CNTNAP2: variants seen among roughly 807,000 people sequenced by gnomAD.
The protein encoded by CNTNAP2 is contactin-associated protein-like 2.
Under a neutral mutation model 155.2 loss-of-function variants are expected in CNTNAP2, and 98 were observed. The ratio of observed to expected loss-of-function variants is 0.63; its 90% CI spans 0.54 to 0.75. The LOEUF is 0.75. Ranked by LOEUF, CNTNAP2 falls within the 30% of genes least tolerant of loss-of-function variation. The pLI is 0.00. For missense variants in CNTNAP2, 1,727 were observed against 1,688.1 expected, an observed-to-expected ratio of 1.02 and a Z score of -0.40; for synonymous variants, 651 against 631.2, an observed-to-expected ratio of 1.03 and a Z score of -0.47.
intron 12 of CNTNAP2, among the ~76,000 whole-genome samples, chr7:147,574,649 G>A (rs114741907): frequency 1.5e-3 from 221 of 152,008 alleles, no homozygotes; most frequent in African/African-American, 4.9e-3. Context: ...CTTTCCTGGA[G>A]GTTTCTGATC....
At chr7:146,530,950 C>G (rs775800341) in intron 1 of CNTNAP2, among the ~76,000 whole-genome samples, 1 of 152,174 alleles carries the variant, frequency 6.6e-6, no homozygotes, top group African/African-American at 2.4e-5. Flanking sequence ...ACTATTCACA[C>G]TAGCAAAGAC....
chr7:146,212,850 C>T (rs1417032168), intron 1 of CNTNAP2, among the ~76,000 whole-genome samples: 2 of 152,122 alleles, frequency 1.3e-5, no homozygotes, highest in Non-Finnish European at 2.9e-5. Flanking sequence ...TTGTGTTCTT[C>T]CAGGTGACTA....
intron 12 of CNTNAP2, among the ~76,000 whole-genome samples, chr7:147,631,288 A>T (rs935623455): frequency 2.6e-5 from 4 of 152,160 alleles, no homozygotes; most frequent in African/African-American, 9.7e-5. Context: ...GAGGTGAAAG[A>T]TCTCTACAAA....
chr7:146,249,631 C>T (rs930952857), intron 1 of CNTNAP2, among the ~76,000 whole-genome samples: 10 of 152,098 alleles, frequency 6.6e-5, no homozygotes, highest in African/African-American at 2.4e-4. Context: ...TAAGTTTGGT[C>T]CATTCAGTCC....
chr7:147,421,474 T>C (rs187762160), intron 10 of CNTNAP2, among the ~76,000 whole-genome samples: 13 of 151,966 alleles, frequency 8.6e-5, no homozygotes. Flanking sequence ...AAAATACAAA[T>C]ACAATTAACT....
chr7:147,859,168 T>C (rs1258463375), intron 13 of CNTNAP2, among the ~76,000 whole-genome samples: 1 of 152,174 alleles, frequency 6.6e-6, no homozygotes, highest in Non-Finnish European at 1.5e-5. Flanking sequence ...AGTTTCAGCA[T>C]TAACAATACA....
intron 1 of CNTNAP2, among the ~76,000 whole-genome samples, chr7:146,721,889 A>ATATATATATATATATATTTTTTTTTTTT: frequency 1.4e-5 from 1 of 69,738 alleles, no homozygotes; most frequent in African/African-American, 1.9e-4. Flanking sequence ...ATATATATAT[A>ATATATATATATATATATTTTTTTTTTTT]TTTTTTTTTT....
chr7:146,403,696 A>G (rs1475986418), intron 1 of CNTNAP2, among the ~76,000 whole-genome samples: 2 of 152,206 alleles, frequency 1.3e-5, no homozygotes, highest in African/African-American at 4.8e-5. Flanking sequence ...GTTTAAATCT[A>G]GCTTAAGCTC....
chr7:147,516,868 C>CGTGT (rs148099776), intron 11 of CNTNAP2, among the ~76,000 whole-genome samples: 1 of 91,690 alleles, frequency 1.1e-5, no homozygotes, highest in Non-Finnish European at 2.0e-5. Flanking sequence ...TTTTTTTTTG[C>CGTGT]GTGTGTGTGT....
chr7:146,683,119 C>T (rs774541446), intron 1 of CNTNAP2, among the ~76,000 whole-genome samples: 4 of 152,168 alleles, frequency 2.6e-5, no homozygotes, highest in Admixed American at 2.0e-4. Context: ...CTGCAACCCC[C>T]GCCTCCCAGG....
intron 1 of CNTNAP2, among the ~76,000 whole-genome samples, chr7:146,379,207 G>A (rs1795347318): frequency 6.6e-6 from 1 of 152,202 alleles, no homozygotes; most frequent in South Asian, 2.1e-4. Flanking sequence ...TGTTTTCTCA[G>A]TGAAGAGTAA....
At chr7:147,043,556 GACA>G (rs1799299115) in intron 3 of CNTNAP2, among the ~76,000 whole-genome samples, 1 of 152,202 alleles carries the variant, frequency 6.6e-6, no homozygotes, top group Non-Finnish European at 1.5e-5. Context: ...TAGAGAGCAA[GACA>G]TATGGTTAGA....
chr7:146,885,736 A>G (rs1795643358), intron 3 of CNTNAP2, among the ~76,000 whole-genome samples: 1 of 152,158 alleles, frequency 6.6e-6, no homozygotes, highest in Non-Finnish European at 1.5e-5. Context: ...TCTATTTGTC[A>G]TGTTTTCAAT....
chr7:148,169,392 G>T (rs1340711701), intron 17 of CNTNAP2, among the ~76,000 whole-genome samples: 1 of 152,144 alleles, frequency 6.6e-6, no homozygotes, highest in Non-Finnish European at 1.5e-5. Context: ...CATATTTAAA[G>T]TGCCTTTAAA....
intron 11 of CNTNAP2, among the ~76,000 whole-genome samples, chr7:147,511,076 G>T (rs1011671649): frequency 2.0e-5 from 3 of 151,524 alleles, no homozygotes; most frequent in Non-Finnish European, 2.9e-5. Context: ...GATTCATAAG[G>T]TCTGATTCAT....
intron 3 of CNTNAP2, among the ~76,000 whole-genome samples, chr7:146,980,730 A>G (rs1302514457): frequency 6.6e-6 from 1 of 152,180 alleles, no homozygotes; most frequent in African/African-American, 2.4e-5. Flanking sequence ...CACCAAGGCA[A>G]CTGCGCTAAA....
chr7:147,373,042 C>T (rs1378088629), intron 9 of CNTNAP2, among the ~76,000 whole-genome samples: 1 of 152,056 alleles, frequency 6.6e-6, no homozygotes, highest in Non-Finnish European at 1.5e-5. Flanking sequence ...TCGTACCGTC[C>T]AGGGACACAT....
At chr7:147,393,455 T>C (rs1796757128) in intron 9 of CNTNAP2, among the ~76,000 whole-genome samples, 1 of 149,490 alleles carries the variant, frequency 6.7e-6, no homozygotes, top group African/African-American at 2.5e-5. Context: ...TCAAAGCTAG[T>C]GTGGATATGG....
intron 8 of CNTNAP2, among the ~76,000 whole-genome samples, chr7:147,261,895 G>A (rs1226093448): frequency 6.6e-6 from 1 of 152,170 alleles, no homozygotes; most frequent in Non-Finnish European, 1.5e-5. Context: ...GTTATTTGCT[G>A]ACAAAGCAGA....
Sources: gnomAD v4.1 joint callset for allele counts (sites outside exome capture counted in the v4.1 genomes callset) on GRCh38, gnomAD v4.1.1 for gene constraint, MANE v1.5 for transcripts, NCBI Gene and HGNC (gene_info 2026-07-23, HGNC 2026-07-21) for gene names.